The following TNKS1BP1 variants were observed in gnomAD, a reference collection of about 807,000 sequenced individuals.
The protein encoded by TNKS1BP1 is 182 kDa tankyrase-1-binding protein.
Under a neutral mutation model 141.1 loss-of-function variants are expected in TNKS1BP1, and 48 were observed. The observed-to-expected ratio is 0.34, with a 90% CI of 0.27 to 0.43. The LOEUF (loss-of-function observed/expected upper bound fraction) is 0.43. TNKS1BP1 is among the 20% of genes least tolerant of loss of function. The probability of loss-of-function intolerance (pLI) is 1.00; values close to 1 mark genes in which losing one functional copy is unlikely to be tolerated. For missense variants in TNKS1BP1, 2,149 were observed against 2,226.0 expected (o/e 0.97, Z 0.70); for synonymous variants, 875 against 898.2 (o/e 0.97, Z 0.46).
Position 57,313,104 on chromosome 11 carries a change from C to G in TNKS1BP1, c.1584G>C (p.Gly528=). The change falls in exon 5 of 12, where the codon GGG becomes GGC. Residue 528 remains glycine (G), a synonymous_variant. Coordinates refer to ENST00000358252, the MANE Select transcript of TNKS1BP1 (RefSeq NM_033396.3). The stretch of plus-strand genomic sequence containing the variant: ...CACTTGGAGCTGACCCAGCCCCTTG[C>G]CCCTGCTGAGACACTCCTTCTTCCC... The part of the protein sequence containing the change: ...SSREEGVSQQ[G]QGAGSAPSGS... 1 of 1,613,424 alleles carries G rather than the reference C, an allele frequency of 6.2e-7. No homozygotes were observed. The highest frequency in any genetic ancestry group is 8.5e-7 in the Non-Finnish European group (1 of 1,180,018).
At position 57,320,611 on chromosome 11, in the gene TNKS1BP1, G is replaced by A. The variant is rs763983688; in HGVS notation, c.196C>T (p.Arg66Trp). Residue 66 changes from arginine to tryptophan, a missense_variant, in exon 3 of 12, where the codon CGG becomes TGG. Physicochemically the swap from Arg to Trp is moderately radical, Grantham distance 101. Transcript: ENST00000358252. ...KPSLLVPVGP[R>W]PPRGPLAELP... ...TCAGCCAGGGGACCCCGGGGAGGCC[G>A]AGGCCCAACAGGCACCAGCAGGCTG... 36 of 1,613,666 alleles carry A rather than the reference G, an allele frequency of 2.2e-5. No homozygotes were observed. The highest frequency in any genetic ancestry group is 6.7e-5 in the Admixed American group (4 of 60,000).
intron 3 of TNKS1BP1, 59 bp downstream of exon 3, chr11:57,320,020 C>CCCCCACCAA: frequency 1.6e-6 from 2 of 1,213,900 alleles, no homozygotes; most frequent in Admixed American, 1.8e-5. Context: ...AGCCCCCACC[C>CCCCCACCAA]AATCCCACCC....
rs964712406 is a variant in TNKS1BP1 at position 57,322,316 on chromosome 11, G to C, written c.-65-366C>G. The C allele has an allele frequency of 6.0e-6, 6 of 993,464 alleles. No homozygotes were observed. The African/African-American group carries it at 1.0e-4, about 17-fold the overall frequency. 61.5% of individuals were successfully genotyped at this position (993,464 alleles called of 1,614,324 possible). A position where few individuals can be genotyped will look rare whatever the true frequency, so the allele number is the denominator to read the frequency against. ...GCAGAGCTAGAGAGCTGCAAAGTAT[G>C]AAGTCTGTCTGTGAATCACCTCACG... On this transcript the variant is annotated intron_variant, in intron 1 of 11. Coordinates refer to ENST00000358252, the MANE Select transcript of TNKS1BP1 (RefSeq NM_033396.3).
rs1169153532 is a variant in TNKS1BP1 at position 57,312,728 on chromosome 11, C to T, written c.1960G>A (p.Ala654Thr). ...LPVEEEAVTL[A>T]RAETTQARTE... ...CTGGCTTGGGTGGTCTCAGCCCGGG[C>T]TAGGGTCACGGCCTCCTCCTCAACA... Residue 654 changes from alanine to threonine, a missense_variant, in exon 5 of 12, where the codon GCC becomes ACC. Transcript: ENST00000358252. 2 of 1,580,580 alleles carry T rather than the reference C, an allele frequency of 1.3e-6. No individual in the cohort carries two copies. Among genetic ancestry groups the T allele is most frequent in the African/African-American group, 1.3e-5 (1 of 74,294 alleles).
chr11:57,313,614 G>A lies in TNKS1BP1; in HGVS notation c.1074C>T (p.Ala358=), dbSNP rs759668693. The A allele has an allele frequency of 1.6e-5, 25 of 1,593,870 alleles. No homozygotes were observed. Among genetic ancestry groups the A allele is most frequent in the Admixed American group, 3.5e-5 (2 of 56,600 alleles). The part of the protein sequence containing the change: ...SRHTPSPGLP[A]EGAPEAPRPS... The stretch of plus-strand genomic sequence containing the variant: ...GTCTGGGGGCCTCTGGAGCCCCCTC[G>A]GCAGGGAGCCCCGGGCTGGGGGTGT... Residue 358 remains alanine (A), a synonymous_variant, in exon 5 of 12, where the codon GCC becomes GCT. Coordinates refer to ENST00000358252, the MANE Select transcript of TNKS1BP1 (RefSeq NM_033396.3).
rs765769784 is a variant in TNKS1BP1 at position 57,309,638 on chromosome 11, C to T, written c.3073G>A (p.Gly1025Arg). Residue 1025 changes from glycine (G) to arginine (R), a missense_variant, in exon 6 of 12, where the codon GGG (glycine) becomes AGG (arginine). Physicochemically the swap from Gly to Arg is moderately radical, Grantham distance 125 (BLOSUM62 -2). Coordinates refer to ENST00000358252, the MANE Select transcript of TNKS1BP1 (RefSeq NM_033396.3). The surrounding 1 kb of genome is among the most constrained non-coding windows in gnomAD (Gnocchi z 4.3). ...GCAGTGCTAGGACTGAACAAGCCCC[C>T]GGATCCTCTCTCTCCTGGCCGGCCA... ...DAGRPGERGSGGLFSPSTAHV... is the reference protein window; with the variant it reads ...DAGRPGERGSRGLFSPSTAHV... 1.2e-5 allele frequency: 19 copies of T among 1,614,048 alleles called. No individual in the cohort carries two copies. Among genetic ancestry groups the T allele is most frequent in the African/African-American group, 5.3e-5 (4 of 74,936 alleles).
chr11:57,321,867 T>G lies in TNKS1BP1; in HGVS notation c.19A>C (p.Arg7=). 6.2e-7 allele frequency: 1 copy of G among 1,613,056 alleles called. No individual in the cohort carries two copies. The highest frequency in any genetic ancestry group is 2.2e-5 in the East Asian group (1 of 44,816). Reference sequence around the variant, plus strand: ...GGGGAAGCCATGGCTGAGCTTTCCCTGAGAGTAGACACTTTCATCACATGC... The same window carrying G: ...GGGGAAGCCATGGCTGAGCTTTCCCGGAGAGTAGACACTTTCATCACATGC... The part of the protein sequence containing the change: MKVSTL[R]ESSAMASPLP... Residue 7 remains arginine, a synonymous_variant, in exon 2 of 12, where the codon AGG becomes CGG. Coordinates refer to ENST00000358252, the MANE Select transcript of TNKS1BP1 (RefSeq NM_033396.3).
chr11:57,321,744 T>TGGGGGGGG, intron 2 of TNKS1BP1, 48 bp downstream of exon 2: 6 of 1,039,810 alleles, frequency 5.8e-6, no homozygotes, highest in Non-Finnish European at 8.9e-6. Flanking sequence ...CCTCTGTCCT[T>TGGGGGGGG]CCCACCCCCC....
Position 57,308,667 on chromosome 11 carries a change from C to G in TNKS1BP1, c.4044G>C (p.Leu1348Phe), listed in dbSNP as rs1855652235. Residue 1348 changes from leucine to phenylalanine, a missense_variant, in exon 6 of 12, where the codon TTG becomes TTC. By Grantham distance (22) the Leu-to-Phe change is conservative. Coordinates refer to ENST00000358252, the MANE Select transcript of TNKS1BP1 (RefSeq NM_033396.3). ...CAAAGAGCTCCACATTCTGGGGCGC[C>G]AAGTCCTGGGTCCAGTCCATCTGCC... ...GVGQMDWTQD[L>F]APQNVELFGA... 2 of 1,612,946 alleles carry G rather than the reference C, an allele frequency of 1.2e-6. No homozygotes were observed. Among genetic ancestry groups the G allele is most frequent in the African/African-American group, 2.7e-5 (2 of 74,906 alleles).
At position 57,299,922 on chromosome 11, in the gene TNKS1BP1, C is replaced by T. The variant is rs762257367; in HGVS notation, c.*172G>A. The T allele has an allele frequency of 2.6e-5, 4 of 154,564 alleles. No individual in the cohort carries two copies. Among genetic ancestry groups the T allele is most frequent in the East Asian group, 1.9e-4 (1 of 5,182 alleles). 9.6% of individuals were successfully genotyped at this position (154,564 alleles called of 1,614,324 possible). A position where few individuals can be genotyped will look rare whatever the true frequency, so the allele number is the denominator to read the frequency against. On this transcript the variant is annotated 3_prime_UTR_variant, in exon 12 of 12. Coordinates refer to ENST00000358252, the MANE Select transcript of TNKS1BP1 (RefSeq NM_033396.3). ...GGGAAGGGAAGGTGTGGGGGGAGTT[C>T]GGAGGGTGATACAAAGTGCATAAAT...
intron 10 of TNKS1BP1, 111 bp from the exon 11 acceptor site, chr11:57,300,711 G>T (rs2134342197): frequency 2.0e-6 from 3 of 1,514,370 alleles, no homozygotes; most frequent in Admixed American, 1.7e-5. Flanking sequence ...GCAGTCTGGG[G>T]CCTGGCTGCA....
chr11:57,312,192 C>T (rs900915109), intron 5 of TNKS1BP1, among the ~76,000 whole-genome samples: 3 of 152,192 alleles, frequency 2.0e-5, no homozygotes, highest in South Asian at 4.1e-4. Flanking sequence ...GCACCTGCCA[C>T]GCACTGTGCC....
At chr11:57,322,064 C>G in intron 1 of TNKS1BP1, 114 bp from the exon 2 acceptor site, 1 of 573,626 alleles carries the variant, frequency 1.7e-6, no homozygotes, top group Non-Finnish European at 2.3e-6. Context: ...GAAGAGAGAA[C>G]TTGGAGTGGG....
rs776047877 is a variant in TNKS1BP1, at chr11:57,312,913, G to A, written c.1775C>T (p.Ser592Leu). 1.4e-5 allele frequency: 22 copies of A among 1,610,880 alleles called. No individual in the cohort carries two copies. The highest frequency in any genetic ancestry group is 9.3e-5 in the African/African-American group (7 of 74,894). ...CTCCTGTCCAGCCAAGGGCTCCTGC[G>A]ACTCGTATCTCTCCTCTGCCTGCTG... The part of the protein sequence containing the change: ...PLQQAEERYE[S>L]QEPLAGQESP... Residue 592 changes from serine (S) to leucine (L), a missense_variant, in exon 5 of 12, where the codon TCG becomes TTG. Ser to Leu is a moderately radical substitution (Grantham distance 145). Transcript: ENST00000358252.
rs748908952 is a variant in TNKS1BP1 at position 57,310,110 on chromosome 11, G to A, written c.2601C>T (p.Phe867=). The stretch of plus-strand genomic sequence containing the variant: ...AGGTACCCAGTGAATCTCTCTTTCC[G>A]AATTCCTGGTCCTGGAGTTCTGCAT... ...SRDAELQDQE[F]GKRDSLGTYS... is the part of the protein sequence containing the mutation. The change falls in exon 6 of 12, where the codon TTC becomes TTT. Residue 867 remains phenylalanine (F), a synonymous_variant. Transcript: ENST00000358252. 23 of 1,613,942 alleles carry A rather than the reference G, an allele frequency of 1.4e-5. No individual in the cohort carries two copies. In the East Asian group the frequency reaches 2.0e-4, roughly 14 times the overall value.
intron 6 of TNKS1BP1, among the ~76,000 whole-genome samples, chr11:57,307,177 G>GA (rs1281458609): frequency 3.3e-5 from 5 of 152,026 alleles, no homozygotes; most frequent in Non-Finnish European, 4.4e-5. Flanking sequence ...CGCCAAGCCT[G>GA]GACTCTCCCC....
chr11:57,315,729 G>A (rs73472527), intron 4 of TNKS1BP1, among the ~76,000 whole-genome samples: 7,689 of 149,962 alleles, frequency 0.051, 658 homozygotes, highest in African/African-American at 0.18. Flanking sequence ...GAGGCCACCA[G>A]CAGAGAACCC....
chr11:57,302,358 T>A lies in TNKS1BP1; in HGVS notation c.4683+101A>T. 6.5e-7 allele frequency: 1 copy of A among 1,539,860 alleles called. No homozygotes were observed. Among genetic ancestry groups the A allele is most frequent in the Non-Finnish European group, 8.8e-7 (1 of 1,141,482 alleles). On this transcript the variant is annotated intron_variant, in intron 7 of 11. Coordinates refer to ENST00000358252, the MANE Select transcript of TNKS1BP1 (RefSeq NM_033396.3). This position sits in a 1 kb window ranked among gnomAD's most constrained non-coding sequence, Gnocchi z 5.5. ...TCACGTGACGCACCTACAACCCGCTTTCTGCCTCCTGGACTGGGACTGCTC... is the reference window on the plus strand; with the variant it reads ...TCACGTGACGCACCTACAACCCGCTATCTGCCTCCTGGACTGGGACTGCTC...
chr11:57,300,603 A>AG lies in TNKS1BP1; in HGVS notation c.5130-4dup. On this transcript the variant is annotated splice_region_variant and splice_polypyrimidine_tract_variant and intron_variant, in intron 10 of 11. Coordinates refer to ENST00000358252, the MANE Select transcript of TNKS1BP1 (RefSeq NM_033396.3). ...AGTTGGGCGACGATCCTTCTGACCT[A>AG]GGAGGCAGACGGCAAAGGTCCAGAA... 1 of 1,614,212 alleles carries AG rather than the reference A, an allele frequency of 6.2e-7. No individual in the cohort carries two copies. The highest frequency in any genetic ancestry group is 8.5e-7 in the Non-Finnish European group (1 of 1,180,044).
Sources: allele counts gnomAD v4.1 joint callset (sites outside exome capture counted in the v4.1 genomes callset), GRCh38; gene constraint gnomAD v4.1.1; non-coding constraint Gnocchi (gnomAD v3.1); transcripts MANE v1.5; gene names NCBI Gene and HGNC (gene_info 2026-07-23, HGNC 2026-07-21).